KCNK2: variants seen among roughly 807,000 people sequenced by gnomAD.
KCNK2 encodes potassium two pore domain channel subfamily K member 2.
In KCNK2, 21 loss-of-function variants were observed where a neutral mutation model predicts 40.5. The ratio of observed to expected loss-of-function variants is 0.52; its 90% CI spans 0.37 to 0.75. The LOEUF (loss-of-function observed/expected upper bound fraction) is 0.75. Among genes scored for constraint, KCNK2 ranks in the 30% least tolerant of loss-of-function variants. The pLI, the probability that KCNK2 is intolerant of heterozygous loss-of-function variation, is 0.00. For missense variants in KCNK2, 399 were observed against 531.6 expected (o/e 0.75, Z 2.45); for synonymous variants, 191 against 202.2 (o/e 0.94, Z 0.47).
intron 3 of KCNK2, among the ~76,000 whole-genome samples, chr1:215,129,675 G>A (rs1661581264): frequency 6.6e-6 from 1 of 152,176 alleles, no homozygotes; most frequent in Non-Finnish European, 1.5e-5. Context: ...ATACAGATGA[G>A]GCAGTGCCTG....
At chr1:215,228,286 G>T (rs1666475541) in intron 6 of KCNK2, among the ~76,000 whole-genome samples, 1 of 152,178 alleles carries the variant, frequency 6.6e-6, no homozygotes, top group South Asian at 2.1e-4. Context: ...AGAGTGTGCT[G>T]ACTCAGAAAC....
At chr1:215,187,100 G>T (rs199666002) in intron 5 of KCNK2, among the ~76,000 whole-genome samples, 3 of 152,044 alleles carry the variant, frequency 2.0e-5, no homozygotes, top group Admixed American at 6.6e-5. Flanking sequence ...CTCCCAAGTT[G>T]CTGGGACCAC....
chr1:215,023,313 C>A (rs892785641), intron 1 of KCNK2, among the ~76,000 whole-genome samples: 15 of 152,170 alleles, frequency 9.9e-5, no homozygotes, highest in Admixed American at 7.8e-4. Context: ...ACTACAAAGG[C>A]ATCTTCCTGT....
chr1:215,040,839 T>C (rs2802656), intron 1 of KCNK2, among the ~76,000 whole-genome samples: 124,699 of 152,070 alleles, frequency 0.82, 51,645 homozygotes, highest in East Asian at 0.97. Flanking sequence ...AATCCAACAT[T>C]TGACAGGACA....
chr1:215,198,902 A>T (rs941244499), intron 6 of KCNK2, among the ~76,000 whole-genome samples: 2 of 152,204 alleles, frequency 1.3e-5, no homozygotes, highest in Non-Finnish European at 2.9e-5. Context: ...TTTGGCTAAT[A>T]ACCCCAGTCT....
At chr1:215,077,269 A>C (rs1245610110) in intron 1 of KCNK2, among the ~76,000 whole-genome samples, 1 of 152,170 alleles carries the variant, frequency 6.6e-6, no homozygotes, top group Non-Finnish European at 1.5e-5. Flanking sequence ...TCAGAAAGAC[A>C]TTTCATCGAA....
chr1:215,106,583 T>C (rs1001552607), intron 2 of KCNK2, among the ~76,000 whole-genome samples: 3 of 152,136 alleles, frequency 2.0e-5, no homozygotes, highest in African/African-American at 7.2e-5. Flanking sequence ...AGAAGCTCTT[T>C]AGTTTAATTA....
At chr1:215,093,711 A>C (rs1659812952) in intron 2 of KCNK2, among the ~76,000 whole-genome samples, 1 of 95,988 alleles carries the variant, frequency 1.0e-5, no homozygotes, top group Non-Finnish European at 1.9e-5. Context: ...ATTATATTAT[A>C]TATTATATAA....
intron 1 of KCNK2, among the ~76,000 whole-genome samples, chr1:215,043,764 G>A (rs1016576201): frequency 4.6e-5 from 7 of 152,108 alleles, no homozygotes; most frequent in Admixed American, 1.3e-4. Context: ...GCCATATACT[G>A]TATACTTATA....
rs377520111 is a variant in KCNK2 at position 215,032,376 on chromosome 1, C to A, written c.34+26421C>A. Among the ~76,000 whole-genome samples the A allele has an allele frequency of 5.5e-4, 84 of 152,018 alleles. 1 individual carries two copies. Among genetic ancestry groups the A allele is most frequent in the African/African-American group, 1.9e-3 (79 of 41,378 alleles). ...TGAGCTGTGATCATGCCACTGTACT[C>A]CAGCCTGGGTGACAGAGTGAGATCC... On this transcript the variant is annotated intron_variant, in intron 1 of 6. Transcript: ENST00000391895.
At chr1:215,151,708 C>T (rs1423677501) in intron 3 of KCNK2, among the ~76,000 whole-genome samples, 1 of 151,906 alleles carries the variant, frequency 6.6e-6, no homozygotes, top group African/African-American at 2.4e-5. Flanking sequence ...TTTATCCATA[C>T]AGTACTTTCA....
intron 1 of KCNK2, among the ~76,000 whole-genome samples, chr1:215,049,878 C>A (rs1015976361): frequency 6.6e-6 from 1 of 152,072 alleles, no homozygotes; most frequent in Admixed American, 6.6e-5. Flanking sequence ...ATCCTTCCAT[C>A]AATATCACCT....
intron 1 of KCNK2, among the ~76,000 whole-genome samples, chr1:215,009,412 T>C (rs1050200370): frequency 6.6e-6 from 1 of 152,156 alleles, no homozygotes; most frequent in Admixed American, 6.5e-5. Context: ...ATATCTTGCA[T>C]AGATATAGTG....
intron 1 of KCNK2, among the ~76,000 whole-genome samples, chr1:215,070,340 TG>T (rs1268248225): frequency 6.8e-6 from 1 of 146,184 alleles, no homozygotes; most frequent in African/African-American, 2.6e-5. Context: ...GGCGTGAATC[TG>T]GGAGGCGGAG....
intron 3 of KCNK2, among the ~76,000 whole-genome samples, chr1:215,153,024 T>C (rs1197533407): frequency 2.0e-5 from 3 of 152,308 alleles, no homozygotes; most frequent in African/African-American, 2.4e-5. Flanking sequence ...AATAGAACTC[T>C]TCAATCCAGA....
chr1:215,061,965 T>C (rs1212427601), intron 1 of KCNK2, among the ~76,000 whole-genome samples: 4 of 152,126 alleles, frequency 2.6e-5, no homozygotes, highest in African/African-American at 9.7e-5. Context: ...AATTATAGAT[T>C]GATTAATTAA....
At chr1:215,026,941 A>G (rs1272439895) in intron 1 of KCNK2, among the ~76,000 whole-genome samples, 1 of 151,976 alleles carries the variant, frequency 6.6e-6, no homozygotes, top group African/African-American at 2.4e-5. Flanking sequence ...ATCATTTTTC[A>G]TTCTTACAAC....
At chr1:215,233,720 G>A (rs1053646377) in intron 6 of KCNK2, among the ~76,000 whole-genome samples, 4 of 152,164 alleles carry the variant, frequency 2.6e-5, no homozygotes, top group Non-Finnish European at 5.9e-5. Flanking sequence ...TGAGTTCAGT[G>A]GGTTTCCCAA....
At chr1:215,106,302 T>A (rs1391694194) in intron 2 of KCNK2, among the ~76,000 whole-genome samples, 1 of 152,164 alleles carries the variant, frequency 6.6e-6, no homozygotes, top group African/African-American at 2.4e-5. Context: ...TGAGATGGTA[T>A]CTCATCGTAG....
Sources: allele counts gnomAD v4.1 joint callset (sites outside exome capture counted in the v4.1 genomes callset), GRCh38; gene constraint gnomAD v4.1.1; transcripts MANE v1.5; gene names NCBI Gene and HGNC (gene_info 2026-07-23, HGNC 2026-07-21).